The following TPD52L1 variants were observed in gnomAD, a reference collection of about 807,000 sequenced individuals.
The protein encoded by TPD52L1 is tumor protein D53.
Under a neutral mutation model 28.7 loss-of-function variants are expected in TPD52L1, and 18 were observed. The observed-to-expected ratio is 0.63, with a 90% CI of 0.43 to 0.93. The LOEUF (loss-of-function observed/expected upper bound fraction) is 0.93, where lower values mean the gene tolerates loss of function less well. TPD52L1 is among the 40% of genes least tolerant of loss of function. TPD52L1 has a pLI of 0.00. For missense variants in TPD52L1, 203 were observed against 254.8 expected (o/e 0.80, Z 1.39); for synonymous variants, 75 against 88.8 (o/e 0.84, Z 0.88).
At chr6:125,233,560 C>G (rs1192336635) in intron 3 of TPD52L1, among the ~76,000 whole-genome samples, 1 of 152,132 alleles carries the variant, frequency 6.6e-6, no homozygotes, top group Non-Finnish European at 1.5e-5. Flanking sequence ...CTTCTAGATT[C>G]AAGTGGTAAA....
At chr6:125,178,904 T>G (rs1398008031) in intron 1 of TPD52L1, among the ~76,000 whole-genome samples, 4 of 152,212 alleles carry the variant, frequency 2.6e-5, no homozygotes, top group Non-Finnish European at 5.9e-5. Context: ...GGATTCCCAC[T>G]GGTGACTCTG....
At position 125,153,967 on chromosome 6, in the gene TPD52L1, C is replaced by G; in HGVS notation, c.16C>G (p.Gln6Glu). The G allele has an allele frequency of 6.2e-7, 1 of 1,607,852 alleles. No individual in the cohort carries two copies. MEAQA[Q>E]GLLETEPLQG... ...GTCAGCCACCATGGAGGCGCAGGCA[C>G]AAGGTGAGTGGTCGCCGATCGCCCC... Residue 6 changes from glutamine (Q) to glutamate (E), a missense_variant, in exon 1 of 7, where the codon CAA becomes GAA. By Grantham distance (29) the Gln-to-Glu change is conservative. Transcript: ENST00000534000.
At chr6:125,222,865 G>A (rs895490228) in intron 2 of TPD52L1, among the ~76,000 whole-genome samples, 5 of 152,154 alleles carry the variant, frequency 3.3e-5, no homozygotes, top group Non-Finnish European at 7.4e-5. Context: ...AAGATGGAAT[G>A]TTAAACATAT....
chr6:125,229,096 C>A (rs752618944), intron 2 of TPD52L1, 22 bp from the exon 3 acceptor site: 1 of 1,606,206 alleles, frequency 6.2e-7, no homozygotes, highest in Non-Finnish European at 8.5e-7. Context: ...TTTTCCCCCA[C>A]CATTTCCCCT....
intron 1 of TPD52L1, among the ~76,000 whole-genome samples, chr6:125,172,179 T>C (rs1162018403): frequency 7.4e-6 from 1 of 134,240 alleles, no homozygotes; most frequent in African/African-American, 3.0e-5. Flanking sequence ...CTTTCTTTCT[T>C]TCTTTCTTTC....
At chr6:125,212,176 TAAATC>T (rs1433855617) in intron 1 of TPD52L1, among the ~76,000 whole-genome samples, 2 of 152,164 alleles carry the variant, frequency 1.3e-5, no homozygotes, top group Admixed American at 6.5e-5. Flanking sequence ...ATTACAGTCT[TAAATC>T]TATTATTTAA....
chr6:125,159,058 G>A (rs1280599795), intron 1 of TPD52L1, among the ~76,000 whole-genome samples: 3 of 152,208 alleles, frequency 2.0e-5, no homozygotes, highest in African/African-American at 7.2e-5. Context: ...TGATCCGAAT[G>A]GTGGTTGCCG....
At chr6:125,197,589 T>C (rs1427937837) in intron 1 of TPD52L1, among the ~76,000 whole-genome samples, 1 of 152,184 alleles carries the variant, frequency 6.6e-6, no homozygotes, top group African/African-American at 2.4e-5. Flanking sequence ...TTTAGAACTC[T>C]AAGAGGAAGA....
chr6:125,178,585 C>G (rs1791967577), intron 1 of TPD52L1, among the ~76,000 whole-genome samples: 1 of 152,158 alleles, frequency 6.6e-6, no homozygotes, highest in African/African-American at 2.4e-5. Flanking sequence ...CACACCACTG[C>G]ACTCCCGCCT....
intron 6 of TPD52L1, among the ~76,000 whole-genome samples, chr6:125,259,441 A>G (rs959706594): frequency 3.3e-5 from 5 of 152,236 alleles, no homozygotes; most frequent in African/African-American, 9.6e-5. Context: ...TATAAAATTT[A>G]GTTCTGCCTA....
At chr6:125,197,898 G>A (rs533205916) in intron 1 of TPD52L1, among the ~76,000 whole-genome samples, 1 of 152,304 alleles carries the variant, frequency 6.6e-6, no homozygotes, top group Admixed American at 6.5e-5. Flanking sequence ...CTCAGGAAAG[G>A]CTGGGTAAAT....
intron 2 of TPD52L1, 70 bp downstream of exon 2, chr6:125,220,263 A>G: frequency 1.0e-6 from 1 of 973,212 alleles, no homozygotes. Flanking sequence ...GTTTGATATA[A>G]TAATTGTAAT....
rs144100383 is a variant in TPD52L1 at position 125,181,357 on chromosome 6, T to A, written c.19+27387T>A. Among the ~76,000 whole-genome samples the A allele has an allele frequency of 7.8e-4, 119 of 152,120 alleles. 2 individuals carry two copies. The East Asian group carries it at 0.022, about 28-fold the overall frequency. On this transcript the variant is annotated intron_variant, in intron 1 of 6. Transcript: ENST00000534000. ...CCTCTCTAAGAGCACCAAGAAACAT[T>A]TACGCCAGGATACACAAAGAACTAA... is the stretch of plus-strand genomic sequence containing the variant.
chr6:125,228,303 C>A (rs975602888), intron 2 of TPD52L1, among the ~76,000 whole-genome samples: 15 of 152,108 alleles, frequency 9.9e-5, no homozygotes, highest in Admixed American at 4.6e-4. Flanking sequence ...ATAATGGCTT[C>A]ACGGGTAGAT....
intron 2 of TPD52L1, among the ~76,000 whole-genome samples, chr6:125,224,030 C>T (rs1217753169): frequency 6.6e-6 from 1 of 151,900 alleles, no homozygotes; most frequent in African/African-American, 2.4e-5. Flanking sequence ...TATTACCAGA[C>T]ACCTTTTCTG....
intron 1 of TPD52L1, among the ~76,000 whole-genome samples, chr6:125,168,900 G>A (rs1197720764): frequency 2.6e-5 from 4 of 152,136 alleles, no homozygotes; most frequent in Non-Finnish European, 4.4e-5. Context: ...CAAACATAAT[G>A]GCCCCATATA....
At chr6:125,195,307 A>G (rs1166605016) in intron 1 of TPD52L1, among the ~76,000 whole-genome samples, 2 of 152,200 alleles carry the variant, frequency 1.3e-5, no homozygotes, top group Non-Finnish European at 2.9e-5. Flanking sequence ...TTGTTCTATA[A>G]TCTGAGAAAC....
intron 1 of TPD52L1, among the ~76,000 whole-genome samples, chr6:125,163,572 A>G (rs1050060786): frequency 2.0e-5 from 3 of 150,536 alleles, no homozygotes; most frequent in African/African-American, 4.9e-5. Flanking sequence ...GGACAAAGTG[A>G]CACCCTGTCT....
At chr6:125,194,477 T>G (rs1793280886) in intron 1 of TPD52L1, among the ~76,000 whole-genome samples, 1 of 152,172 alleles carries the variant, frequency 6.6e-6, no homozygotes, top group African/African-American at 2.4e-5. Flanking sequence ...ACCATGGAAT[T>G]CAACGTCCTC....
Sources: gnomAD v4.1 joint callset for allele counts (sites outside exome capture counted in the v4.1 genomes callset) on GRCh38, gnomAD v4.1.1 for gene constraint, MANE v1.5 for transcripts, NCBI Gene and HGNC (gene_info 2026-07-23, HGNC 2026-07-21) for gene names.